Variants in MCUR1 observed in about 807,000 individuals in gnomAD.
MCUR1 encodes MCU regulator 1.
Under a neutral mutation model 42.0 loss-of-function variants are expected in MCUR1, and 37 were observed. The ratio of observed to expected loss-of-function variants is 0.88; its 90% CI spans 0.68 to 1.16. MCUR1 has a LOEUF of 1.16. Among genes scored for constraint, MCUR1 ranks in the 50% most tolerant of loss-of-function variants. MCUR1 has a pLI of 0.00. For missense variants in MCUR1, 469 were observed against 468.4 expected (o/e 1.00, Z -0.01); for synonymous variants, 229 against 196.2 (o/e 1.17, Z -1.40).
At chr6:13,808,169 A>G (rs1399950365) in intron 1 of MCUR1, among the ~76,000 whole-genome samples, 2 of 152,162 alleles carry the variant, frequency 1.3e-5, no homozygotes, top group Admixed American at 6.5e-5. Context: ...GCCTTCTGCC[A>G]TGTTATGAAG....
intron 5 of MCUR1, among the ~76,000 whole-genome samples, chr6:13,799,889 T>C (rs1292918454): frequency 6.9e-6 from 1 of 144,136 alleles, no homozygotes; most frequent in Non-Finnish European, 1.5e-5. Context: ...TGGAGTGCAA[T>C]GGCGCAATCT....
At chr6:13,801,037 T>A (rs1042511369) in intron 4 of MCUR1, among the ~76,000 whole-genome samples, 9 of 152,182 alleles carry the variant, frequency 5.9e-5, no homozygotes, top group African/African-American at 2.2e-4. Flanking sequence ...ATCAAATGGT[T>A]CTAGAATAGG....
At chr6:13,804,414 A>T (rs562201540) in intron 2 of MCUR1, 1 of 152,694 alleles carries the variant, frequency 6.5e-6, no homozygotes, top group Non-Finnish European at 1.5e-5. Context: ...ACTTATGTTG[A>T]TTGTAAAACA....
At chr6:13,807,477 A>G (rs1275677244) in intron 1 of MCUR1, among the ~76,000 whole-genome samples, 1 of 152,196 alleles carries the variant, frequency 6.6e-6, no homozygotes, top group Non-Finnish European at 1.5e-5. Context: ...TCCGTGTTGT[A>G]GCACGTCAGT....
intron 4 of MCUR1, 95 bp from the exon 5 acceptor site, chr6:13,800,477 G>A (rs1759967373): frequency 1.5e-6 from 1 of 687,448 alleles, no homozygotes; most frequent in East Asian, 2.8e-5. Flanking sequence ...AAGTTCCTCA[G>A]GTTTTTCCTT....
In MCUR1 at chr6:13,801,362, G is replaced by C. The variant is rs894915360; in HGVS notation, c.667C>G (p.Gln223Glu). Residue 223 changes from glutamine (Q) to glutamate (E), a missense_variant, in exon 4 of 9, where the codon CAG becomes GAG. Gln to Glu is a conservative substitution (Grantham distance 29). Transcript: ENST00000379170. ...QEITFQQVMS[Q>E]IANVKKDMII... Reference sequence around the variant, plus strand: ...ATATCCTTTTTCACATTCGCAATCTGAGACATTACTTGCTGAAAAGTGATT... The same window carrying C: ...ATATCCTTTTTCACATTCGCAATCTCAGACATTACTTGCTGAAAAGTGATT... 1.2e-6 allele frequency: 2 copies of C among 1,612,022 alleles called. No individual in the cohort carries two copies. Among genetic ancestry groups the C allele is most frequent in the Non-Finnish European group, 1.7e-6 (2 of 1,179,622 alleles).
At chr6:13,801,237 C>A in intron 4 of MCUR1, 51 bp downstream of exon 4, 1 of 1,208,194 alleles carries the variant, frequency 8.3e-7, no homozygotes, top group Non-Finnish European at 1.2e-6. Flanking sequence ...TATAATTTAT[C>A]TCAATGTCTT....
At chr6:13,810,913 G>C (rs1760219089) in intron 1 of MCUR1, among the ~76,000 whole-genome samples, 2 of 152,138 alleles carry the variant, frequency 1.3e-5, no homozygotes, top group Non-Finnish European at 2.9e-5. Context: ...GGCATACAAA[G>C]CCCTTGCTAT....
chr6:13,804,783 C>G (rs1760079357), intron 2 of MCUR1, among the ~76,000 whole-genome samples: 1 of 112,966 alleles, frequency 8.9e-6, no homozygotes, highest in Non-Finnish European at 1.6e-5. Context: ...GAGCCAGACT[C>G]TGTCTCCAAA....
intron 3 of MCUR1, among the ~76,000 whole-genome samples, chr6:13,801,883 A>G (rs1759998873): frequency 6.6e-6 from 1 of 152,098 alleles, no homozygotes; most frequent in South Asian, 2.1e-4. Flanking sequence ...CAAAAAAACA[A>G]AAACCACATA....
At chr6:13,804,337 A>AG (rs1406258996) in intron 2 of MCUR1, 1 of 157,358 alleles carries the variant, frequency 6.4e-6, no homozygotes, top group African/African-American at 2.6e-5. Context: ...AAAAAAAAAA[A>AG]AAAAAAAAAA....
chr6:13,804,009 A>G lies in MCUR1; in HGVS notation c.536-1663T>C, dbSNP rs1760050818. 4.1e-6 allele frequency: 4 copies of G among 973,754 alleles called. No homozygotes were observed. The African/African-American group carries it at 5.3e-5, about 13-fold the overall frequency. The allele number at this position is 973,754 out of a possible 1,614,324, so 60.3% of individuals were successfully genotyped here. A position where few individuals can be genotyped will look rare whatever the true frequency, so the allele number is the denominator to read the frequency against. On this transcript the variant is annotated intron_variant, in intron 2 of 8. Transcript: ENST00000379170. ...TTTAAAAAATTTTAATTAAAAAAAG[A>G]GTTCATGTTTAAACATAATTAGGTT...
chr6:13,811,805 C>T (rs1023641083), intron 1 of MCUR1, among the ~76,000 whole-genome samples: 2 of 152,122 alleles, frequency 1.3e-5, no homozygotes, highest in Non-Finnish European at 2.9e-5. Flanking sequence ...CCCCCACCCC[C>T]ACATAAACAA....
chr6:13,805,025 T>C (rs1327606049), intron 2 of MCUR1, among the ~76,000 whole-genome samples: 1 of 152,108 alleles, frequency 6.6e-6, no homozygotes, highest in African/African-American at 2.4e-5. Flanking sequence ...CCCCAACTCA[T>C]CCATGTTGGA....
At chr6:13,792,117 T>C in intron 7 of MCUR1, 125 bp from the exon 8 acceptor site, 1 of 693,228 alleles carries the variant, frequency 1.4e-6, no homozygotes, top group Non-Finnish European at 2.5e-6. Context: ...AGGCCTGGGC[T>C]TTAGTCTCAG....
intron 1 of MCUR1, among the ~76,000 whole-genome samples, chr6:13,810,776 G>C (rs986572300): frequency 1.3e-5 from 2 of 152,190 alleles, no homozygotes; most frequent in African/African-American, 2.4e-5. Flanking sequence ...ATCCATATCT[G>C]TATCAAGAAC....
At chr6:13,806,774 G>A in intron 2 of MCUR1, 151 bp downstream of exon 2, 1 of 986,250 alleles carries the variant, frequency 1.0e-6, no homozygotes. Flanking sequence ...GGGTGACAGA[G>A]CCAGAGCCTG....
Position 13,798,882 on chromosome 6 carries a change from G to A in MCUR1, c.806C>T (p.Thr269Ile). Residue 269 changes from threonine (T) to isoleucine (I), a missense_variant, in exon 6 of 9, where the codon ACA becomes ATA. By Grantham distance (89) the Thr-to-Ile change is moderately conservative. Transcript: ENST00000379170. ...TAGGTTGAAGTCTAATTTGGTATCTGTTCGGACTTTGATCACTTCATCCTA... is the reference window on the plus strand; with the variant it reads ...TAGGTTGAAGTCTAATTTGGTATCTATTCGGACTTTGATCACTTCATCCTA... The part of the protein sequence containing the change: ...QVMDEVIKVR[T>I]DTKLDFNLEK... 1 of 1,609,690 alleles carries A rather than the reference G, an allele frequency of 6.2e-7. No individual in the cohort carries two copies. Among genetic ancestry groups the A allele is most frequent in the South Asian group, 1.1e-5 (1 of 90,808 alleles).
In MCUR1 at chr6:13,814,281, C is replaced by G; in HGVS notation, c.149G>C (p.Gly50Ala). 1.3e-6 allele frequency: 2 copies of G among 1,492,460 alleles called. No individual in the cohort carries two copies. The highest frequency in any genetic ancestry group is 2.2e-5 in the Admixed American group (1 of 46,128). The allele number at this position is 1,492,460 out of a possible 1,614,324, so 92.5% of individuals were successfully genotyped here. A position where few individuals can be genotyped will look rare whatever the true frequency, so the allele number is the denominator to read the frequency against. Residue 50 changes from glycine to alanine, a missense_variant, in exon 1 of 9, where the codon GGG becomes GCG. Gly to Ala is a moderately conservative substitution (Grantham distance 60, BLOSUM62 0). Coordinates refer to ENST00000379170, the MANE Select transcript of MCUR1 (RefSeq NM_001031713.4). Reference sequence around the variant, plus strand: ...CGCCGGGGCGCGAGGGCGCAGCGCCCCCAGACCGTCGGAGAGCGCAGAGAG... The same window carrying G: ...CGCCGGGGCGCGAGGGCGCAGCGCCGCCAGACCGTCGGAGAGCGCAGAGAG... Reference protein sequence around the residue: ...RCLSALSDGLGALRPRAPAAR... With the variant: ...RCLSALSDGLAALRPRAPAAR...
Sources: gnomAD v4.1 joint callset for allele counts (sites outside exome capture counted in the v4.1 genomes callset) on GRCh38, gnomAD v4.1.1 for gene constraint, MANE v1.5 for transcripts, NCBI Gene and HGNC (gene_info 2026-07-23, HGNC 2026-07-21) for gene names.